The following PLBD1 variants were observed in gnomAD, a reference collection of about 807,000 sequenced individuals.
The protein encoded by PLBD1 is lysosomal leucine aminopeptidase.
In PLBD1, 60 loss-of-function variants were observed where a neutral mutation model predicts 63.0. That is an observed-to-expected ratio of 0.95 (90% CI 0.77 to 1.18). The LOEUF (loss-of-function observed/expected upper bound fraction) is 1.18. Ranked by LOEUF, PLBD1 falls within the 50% of genes most tolerant of loss-of-function variation. The pLI, the probability that PLBD1 is intolerant of heterozygous loss-of-function variation, is 0.00. For missense variants in PLBD1, 598 were observed against 677.9 expected (o/e 0.88, Z 1.31); for synonymous variants, 262 against 248.0 (o/e 1.06, Z -0.53).
Position 14,567,599 on chromosome 12 carries a change from T to C in PLBD1, c.98A>G (p.Glu33Gly). ...CTGCTCACCTGCAGGTTTCGGCGGC[T>C]CCGCGGTGACTAACAACAGCGGCAG... ...LLLPLLLVTA[E>G]PPKPAGVYYA... Residue 33 changes from glutamate to glycine, a missense_variant, in exon 1 of 11, where the codon GAG becomes GGG. Physicochemically the swap from Glu to Gly is moderately conservative, Grantham distance 98. Coordinates refer to ENST00000240617, the MANE Select transcript of PLBD1 (RefSeq NM_024829.6). 2.0e-6 allele frequency: 3 copies of C among 1,500,650 alleles called. No individual in the cohort carries two copies. The South Asian group carries it at 3.7e-5, about 18-fold the overall frequency. 93.0% of individuals were successfully genotyped at this position (1,500,650 alleles called of 1,614,324 possible). A position where few individuals can be genotyped will look rare whatever the true frequency, so the allele number is the denominator to read the frequency against.
Position 14,506,995 on chromosome 12 carries a change from A to G in PLBD1, c.1310T>C (p.Phe437Ser), listed in dbSNP as rs1321384119. 1 of 1,614,112 alleles carries G rather than the reference A, an allele frequency of 6.2e-7. No individual in the cohort carries two copies. Among genetic ancestry groups the G allele is most frequent in the Non-Finnish European group, 8.5e-7 (1 of 1,180,004 alleles). Residue 437 changes from phenylalanine (F) to serine (S), a missense_variant, in exon 9 of 11, where the codon TTC (phenylalanine) becomes TCC (serine). Transcript: ENST00000240617. ...SYDLAPRAKIFRRDQGKVTDT... is the reference protein window; with the variant it reads ...SYDLAPRAKISRRDQGKVTDT... ...AGTCACTTTCCCTTGGTCACGCCGGAAAATTTTGGCTCGTGGAGCTAAATC... is the reference window on the plus strand; with the variant it reads ...AGTCACTTTCCCTTGGTCACGCCGGGAAATTTTGGCTCGTGGAGCTAAATC...
At position 14,553,228 on chromosome 12, in the gene PLBD1, A is replaced by G; in HGVS notation, c.300T>C (p.Phe100=). The part of the protein sequence containing the change: ...SQTLSNEIIM[F]VAGFLEGYLT... ...GGTAACCCTCCAAAAAGCCAGCCACAAACATGATGATCTCATTGCTCAGGG... is the reference window on the plus strand; with the variant it reads ...GGTAACCCTCCAAAAAGCCAGCCACGAACATGATGATCTCATTGCTCAGGG... The change falls in exon 2 of 11, where the codon TTT becomes TTC. Residue 100 remains phenylalanine (F), a synonymous_variant. Coordinates refer to ENST00000240617, the MANE Select transcript of PLBD1 (RefSeq NM_024829.6). 6.2e-7 allele frequency: 1 copy of G among 1,613,892 alleles called. No homozygotes were observed. Among genetic ancestry groups the G allele is most frequent in the Non-Finnish European group, 8.5e-7 (1 of 1,179,964 alleles).
intron 6 of PLBD1, among the ~76,000 whole-genome samples, chr12:14,512,314 A>G (rs1230246046): frequency 6.6e-6 from 1 of 151,884 alleles, no homozygotes; most frequent in Non-Finnish European, 1.5e-5. Context: ...ACACCTGGCT[A>G]ATTTTTGTAT....
At chr12:14,505,225 T>C (rs541763980) in intron 10 of PLBD1, among the ~76,000 whole-genome samples, 39 of 152,186 alleles carry the variant, frequency 2.6e-4, no homozygotes, top group Non-Finnish European at 3.2e-4. Context: ...GCATTTCCTG[T>C]TTAGGTATTA....
At chr12:14,509,521 C>T (rs1302145996) in intron 8 of PLBD1, among the ~76,000 whole-genome samples, 1 of 152,176 alleles carries the variant, frequency 6.6e-6, no homozygotes, top group African/African-American at 2.4e-5. Context: ...AGGTCCACTG[C>T]TTGGTAGCAT....
chr12:14,510,135 A>G (rs1565570663), intron 8 of PLBD1, among the ~76,000 whole-genome samples: 1 of 152,162 alleles, frequency 6.6e-6, no homozygotes, highest in Non-Finnish European at 1.5e-5. Flanking sequence ...ATTTAAAAAA[A>G]CAGGCTGGGC....
intron 6 of PLBD1, among the ~76,000 whole-genome samples, chr12:14,518,660 T>C (rs1012343548): frequency 7.2e-5 from 11 of 152,222 alleles, no homozygotes; most frequent in Admixed American, 1.3e-4. Flanking sequence ...TCTATCTCCT[T>C]ACTGTTTTCC....
At chr12:14,524,025 G>A (rs1241683871) in intron 6 of PLBD1, among the ~76,000 whole-genome samples, 1 of 152,002 alleles carries the variant, frequency 6.6e-6, no homozygotes, top group Non-Finnish European at 1.5e-5. Flanking sequence ...TGAGCCCTGA[G>A]GGCATTATGT....
chr12:14,532,311 A>G (rs1945471876), intron 6 of PLBD1, among the ~76,000 whole-genome samples: 1 of 152,198 alleles, frequency 6.6e-6, no homozygotes, highest in Non-Finnish European at 1.5e-5. Context: ...GGCCAGGCCT[A>G]GCCCGCCCCA....
intron 6 of PLBD1, among the ~76,000 whole-genome samples, chr12:14,526,738 C>T (rs775839634): frequency 2.6e-5 from 4 of 151,964 alleles, no homozygotes; most frequent in African/African-American, 4.8e-5. Flanking sequence ...TTTGGGAGGC[C>T]GAGGCAGGCA....
chr12:14,557,661 C>A (rs921418239), intron 1 of PLBD1, among the ~76,000 whole-genome samples: 2 of 151,956 alleles, frequency 1.3e-5, no homozygotes, highest in Non-Finnish European at 2.9e-5. Context: ...TAGAAGGGAA[C>A]AACAGACACT....
At chr12:14,540,015 TATATATATATATATATA>T (rs1565577500) in intron 4 of PLBD1, among the ~76,000 whole-genome samples, 3 of 10,878 alleles carry the variant, frequency 2.8e-4, no homozygotes, top group South Asian at 8.8e-3. Context: ...GCTATGCACA[TATATATATATATATATA>T]TATATATATA....
chr12:14,505,177 T>C (rs995420315), intron 10 of PLBD1, among the ~76,000 whole-genome samples: 3 of 151,040 alleles, frequency 2.0e-5, no homozygotes, highest in Non-Finnish European at 4.4e-5. Flanking sequence ...ATCACATAGC[T>C]AAAAAGAAGG....
intron 2 of PLBD1, among the ~76,000 whole-genome samples, chr12:14,546,689 C>G (rs2136927646): frequency 6.6e-6 from 1 of 152,246 alleles, no homozygotes; most frequent in South Asian, 2.1e-4. Flanking sequence ...AACAGCTTAC[C>G]ACAGCAAAGA....
intron 1 of PLBD1, among the ~76,000 whole-genome samples, chr12:14,564,957 C>T (rs766529177): frequency 1.5e-4 from 23 of 152,116 alleles, no homozygotes; most frequent in Admixed American, 4.6e-4. Context: ...TCTCTAGTGA[C>T]CACCTGACTT....
chr12:14,511,159 T>C (rs1945295051), intron 8 of PLBD1, 101 bp downstream of exon 8: 1 of 535,876 alleles, frequency 1.9e-6, no homozygotes, highest in Non-Finnish European at 3.3e-6. Flanking sequence ...TTCCCCACCA[T>C]ACCCTCCCCC....
chr12:14,503,712 T>C lies in PLBD1; in HGVS notation c.*60A>G. On this transcript the variant is annotated 3_prime_UTR_variant, in exon 11 of 11. Transcript: ENST00000240617. ...TTGCATAATTCTGATGGGAAAAACA[T>C]AGCTAAAATAGTGCCTTTGGTATCT... is the stretch of plus-strand genomic sequence containing the variant. 7.1e-7 allele frequency: 1 copy of C among 1,416,700 alleles called. No individual in the cohort carries two copies. The highest frequency in any genetic ancestry group is 9.7e-7 in the Non-Finnish European group (1 of 1,026,392). The allele number at this position is 1,416,700 out of a possible 1,614,324, so 87.8% of individuals were successfully genotyped here.
At position 14,511,399 on chromosome 12, in the gene PLBD1, G is replaced by C; in HGVS notation, c.1047C>G (p.Gly349=). Reference sequence around the variant, plus strand: ...GAACCATGTATTGATTGTTATAGGTGCCTGAAATATCAGGAAACATGAAGA... The same window carrying C: ...GAACCATGTATTGATTGTTATAGGTCCCTGAAATATCAGGAAACATGAAGA... ...WADIFSKYNS[G]TYNNQYMVLD... is the part of the protein sequence containing the mutation. Residue 349 remains glycine, a splice_region_variant and synonymous_variant, in exon 8 of 11, where the codon GGC becomes GGG. Coordinates refer to ENST00000240617, the MANE Select transcript of PLBD1 (RefSeq NM_024829.6). 6.2e-7 allele frequency: 1 copy of C among 1,613,146 alleles called. No individual in the cohort carries two copies. The highest frequency in any genetic ancestry group is 8.5e-7 in the Non-Finnish European group (1 of 1,179,510).
rs56119793 is a variant in PLBD1, at chr12:14,548,457, CAAAAAAAAAAAA to C, written c.335+4724_335+4735del. 3.1e-3 allele frequency among the ~76,000 whole-genome samples: 211 copies of C among 68,386 alleles called. 1 individual carries two copies. Among genetic ancestry groups the C allele is most frequent in the African/African-American group, 0.011 (198 of 18,760 alleles). 44.9% of individuals were successfully genotyped at this position (68,386 alleles called of 152,430 possible). On this transcript the variant is annotated intron_variant, in intron 2 of 10. Transcript: ENST00000240617. ...GGGTAACACAGGGAGACTCCATCTC[CAAAAAAAAAAAA>C]AAAAAAAAAAAAAGAAGAAGAAGAA...
Sources: allele counts gnomAD v4.1 joint callset (sites outside exome capture counted in the v4.1 genomes callset), GRCh38; gene constraint gnomAD v4.1.1; transcripts MANE v1.5; gene names NCBI Gene and HGNC (gene_info 2026-07-23, HGNC 2026-07-21).